ATP2B2: variants seen among roughly 807,000 people sequenced by gnomAD.
ATP2B2 encodes the protein ATPase plasma membrane Ca2+ transporting 2.
A neutral mutation model predicts 120.0 loss-of-function variants in ATP2B2; 15 were observed. The ratio of observed to expected loss-of-function variants is 0.12; its 90% CI spans 0.08 to 0.19. ATP2B2 has a LOEUF of 0.19. Among genes scored for constraint, ATP2B2 ranks in the 10% least tolerant of loss-of-function variants. ATP2B2 has a pLI of 1.00. For synonymous variants in ATP2B2, 694 were observed against 700.3 expected, an observed-to-expected ratio of 0.99 and a Z score of 0.14; for missense variants, 1,045 against 1,719.8, an observed-to-expected ratio of 0.61 and a Z score of 6.94.
chr3:10,377,466 C>T (rs538254597), intron 10 of ATP2B2, among the ~76,000 whole-genome samples: 4 of 152,314 alleles, frequency 2.6e-5, no homozygotes, highest in Admixed American at 6.5e-5. Context: ...CACAAAGGAT[C>T]GAGCAGCCAG....
intron 2 of ATP2B2, among the ~76,000 whole-genome samples, chr3:10,608,084 A>G (rs1177931534): frequency 1.3e-5 from 2 of 152,224 alleles, no homozygotes; most frequent in East Asian, 3.8e-4. Flanking sequence ...TCAAACTCGG[A>G]AAAGAGCAGA....
At chr3:10,498,839 A>G (rs1270605332) in intron 1 of ATP2B2, among the ~76,000 whole-genome samples, 1 of 152,116 alleles carries the variant, frequency 6.6e-6, no homozygotes, top group African/African-American at 2.4e-5. Flanking sequence ...AATTTTCCCA[A>G]ATCAAATCCA....
At chr3:10,606,950 GGGGGA>G (rs1419656958) in intron 2 of ATP2B2, among the ~76,000 whole-genome samples, 1,336 of 66,878 alleles carry the variant, frequency 0.02, 59 homozygotes, top group African/African-American at 0.13. Context: ...GAGAGGGAGA[GGGGGA>G]GGGGGGGAGA....
intron 1 of ATP2B2, among the ~76,000 whole-genome samples, chr3:10,452,075 C>A (rs1014472228): frequency 3.3e-5 from 5 of 152,236 alleles, no homozygotes; most frequent in Non-Finnish European, 7.3e-5. Flanking sequence ...CTGTGCAACA[C>A]TGTGAAGTGG....
At chr3:10,583,856 G>A (rs1362317346) in intron 2 of ATP2B2, among the ~76,000 whole-genome samples, 1 of 152,206 alleles carries the variant, frequency 6.6e-6, no homozygotes, top group African/African-American at 2.4e-5. Flanking sequence ...GGCTGGGAGA[G>A]AGTTACATGG....
chr3:10,615,626 G>A (rs1189492675), intron 2 of ATP2B2, among the ~76,000 whole-genome samples: 1 of 152,158 alleles, frequency 6.6e-6, no homozygotes, highest in African/African-American at 2.4e-5. Context: ...CAGAGGTGAA[G>A]CTTTGTTTCT....
intron 2 of ATP2B2, among the ~76,000 whole-genome samples, chr3:10,438,285 A>AG (rs1023340531): frequency 6.6e-6 from 1 of 152,162 alleles, no homozygotes; most frequent in African/African-American, 2.4e-5. Flanking sequence ...GGTGTGCTGA[A>AG]GGGGGAGGCC....
intron 1 of ATP2B2, among the ~76,000 whole-genome samples, chr3:10,486,759 G>T (rs190864536): frequency 6.6e-5 from 10 of 152,038 alleles, no homozygotes; most frequent in Admixed American, 2.0e-4. Context: ...TCACTCTGTC[G>T]CCCAGGCTGG....
intron 5 of ATP2B2, among the ~76,000 whole-genome samples, chr3:10,391,730 C>A (rs931983442): frequency 3.3e-5 from 5 of 152,142 alleles, no homozygotes; most frequent in Admixed American, 6.5e-5. Flanking sequence ...CCTCTGTCCT[C>A]CGGTATCCCC....
chr3:10,637,364 A>G (rs1245398118), intron 1 of ATP2B2, among the ~76,000 whole-genome samples: 1 of 152,262 alleles, frequency 6.6e-6, no homozygotes, highest in Non-Finnish European at 1.5e-5. Context: ...GAACTGAATC[A>G]GATGTTAGAA....
At position 10,342,140 on chromosome 3, in the gene ATP2B2, A is replaced by T. The variant is rs1194332574; in HGVS notation, c.2917+612T>A. On this transcript the variant is annotated intron_variant, in intron 19 of 22. Transcript: ENST00000360273. The surrounding 1 kb of genome is among the most constrained non-coding windows in gnomAD (Gnocchi z 4.4). ...AACCAGGCCAGTCTTGGCCCCAGCC[A>T]GACCTGGTTCTGTGCCCAGACTCTT... 6.6e-6 allele frequency among the ~76,000 whole-genome samples: 1 copy of T among 152,248 alleles called. No homozygotes were observed. Among genetic ancestry groups the T allele is most frequent in the Non-Finnish European group, 1.5e-5 (1 of 68,048 alleles).
chr3:10,332,796 G>A lies in ATP2B2; in HGVS notation c.3421-3671C>T, dbSNP rs141747178. Among the ~76,000 whole-genome samples, 623 of 152,244 alleles carry A rather than the reference G, an allele frequency of 4.1e-3. 2 individuals are homozygous for A. Among genetic ancestry groups the A allele is most frequent in the African/African-American group, 0.014 (598 of 41,518 alleles). ...TGGCCTCATCAGTGTCTTTCTCTGCGAAATGGATGTGTTGGCAGGTCCTCC... is the reference window on the plus strand; with the variant it reads ...TGGCCTCATCAGTGTCTTTCTCTGCAAAATGGATGTGTTGGCAGGTCCTCC... On this transcript the variant is annotated intron_variant, in intron 22 of 22. Coordinates refer to ENST00000360273, the MANE Select transcript of ATP2B2 (RefSeq NM_001001331.4).
chr3:10,590,037 G>A (rs1018835389), intron 2 of ATP2B2, among the ~76,000 whole-genome samples: 4 of 152,162 alleles, frequency 2.6e-5, no homozygotes, highest in Admixed American at 6.5e-5. Context: ...CTCAATGGAC[G>A]ATGAGATGAA....
At chr3:10,480,920 G>A (rs2065385480) in intron 1 of ATP2B2, among the ~76,000 whole-genome samples, 1 of 152,198 alleles carries the variant, frequency 6.6e-6, no homozygotes, top group Admixed American at 6.5e-5. Flanking sequence ...GCAAGGCCAG[G>A]GCCAGAGGGC....
At chr3:10,485,226 G>C (rs2065594815) in intron 1 of ATP2B2, among the ~76,000 whole-genome samples, 1 of 152,220 alleles carries the variant, frequency 6.6e-6, no homozygotes, top group South Asian at 2.1e-4. Flanking sequence ...GGCACCAAGG[G>C]TGCCTTCCTT....
At chr3:10,497,682 A>C (rs2066209834) in intron 1 of ATP2B2, among the ~76,000 whole-genome samples, 1 of 152,234 alleles carries the variant, frequency 6.6e-6, no homozygotes. Context: ...ATGGTGGAGC[A>C]GGAATTAGAA....
chr3:10,597,310 GACACATAGGCAC>G lies in ATP2B2; in HGVS notation c.-415+22595_-415+22606del, dbSNP rs1480724560. Among the ~76,000 whole-genome samples, 420 of 101,130 alleles carry G rather than the reference GACACATAGGCAC, an allele frequency of 4.2e-3. 4 individuals carry two copies. Among genetic ancestry groups the G allele is most frequent in the African/African-American group, 0.016 (402 of 25,284 alleles). 66.3% of individuals were successfully genotyped at this position (101,130 alleles called of 152,430 possible). On this transcript the variant is annotated intron_variant, in intron 2 of 21. Coordinates refer to the ATP2B2 transcript ENST00000646379. The stretch of plus-strand genomic sequence containing the variant: ...ACACACACACAGGCACAGACACACA[GACACATAGGCAC>G]ACACACAGGCACACACACAGGCACA...
intron 12 of ATP2B2, among the ~76,000 whole-genome samples, chr3:10,368,306 C>T (rs1638518367): frequency 6.6e-6 from 1 of 152,034 alleles, no homozygotes; most frequent in African/African-American, 2.4e-5. Flanking sequence ...TGAGAGAGCA[C>T]TGGTATGGGC....
intron 1 of ATP2B2, among the ~76,000 whole-genome samples, chr3:10,680,514 C>A (rs539777660): frequency 6.6e-6 from 1 of 152,056 alleles, no homozygotes; most frequent in African/African-American, 2.4e-5. Context: ...AGTGGAGTGA[C>A]CTTGGGCAGG....
Sources: allele counts gnomAD v4.1 joint callset (sites outside exome capture counted in the v4.1 genomes callset), GRCh38; gene constraint gnomAD v4.1.1; non-coding constraint Gnocchi (gnomAD v3.1); transcripts MANE v1.5; gene names NCBI Gene and HGNC (gene_info 2026-07-23, HGNC 2026-07-21).